DLG2: variants seen among roughly 807,000 people sequenced by gnomAD.
The protein encoded by DLG2 is discs large MAGUK scaffold protein 2, also known as disks large homolog 2.
In DLG2, 45 loss-of-function variants were observed where a neutral mutation model predicts 132.5. The ratio of observed to expected loss-of-function variants is 0.34; its 90% CI spans 0.27 to 0.44. The LOEUF (loss-of-function observed/expected upper bound fraction) is 0.44. DLG2 is among the 20% of genes least tolerant of loss of function. DLG2 has a pLI of 1.00. For synonymous variants in DLG2, 424 were observed against 419.6 expected (o/e 1.01, Z -0.13); for missense variants, 1,045 against 1,196.9 (o/e 0.87, Z 1.87).
intron 6 of DLG2, among the ~76,000 whole-genome samples, chr11:84,817,463 G>C (rs1486809344): frequency 6.6e-6 from 1 of 151,878 alleles, no homozygotes; most frequent in Non-Finnish European, 1.5e-5. Context: ...CAGCATGAAA[G>C]AAAACAAGTG....
At chr11:83,988,159 T>A (rs1456483750) in intron 11 of DLG2, among the ~76,000 whole-genome samples, 1 of 152,152 alleles carries the variant, frequency 6.6e-6, no homozygotes, top group Non-Finnish European at 1.5e-5. Context: ...TTTGTCAATG[T>A]TTGCTTTCGT....
chr11:84,041,626 G>A (rs1160818), intron 11 of DLG2, among the ~76,000 whole-genome samples: 2,550 of 152,088 alleles, frequency 0.017, 27 homozygotes, highest in Non-Finnish European at 0.025. Context: ...TACTCTGTCA[G>A]TGACATCATT....
At chr11:85,126,497 A>T (rs1161127194) in intron 5 of DLG2, among the ~76,000 whole-genome samples, 1 of 152,218 alleles carries the variant, frequency 6.6e-6, no homozygotes, top group Middle Eastern at 3.2e-3. Context: ...ATCCCAGGTT[A>T]TTAAGACAGT....
At chr11:84,409,752 T>G (rs2098888671) in intron 7 of DLG2, among the ~76,000 whole-genome samples, 1 of 152,166 alleles carries the variant, frequency 6.6e-6, no homozygotes, top group Non-Finnish European at 1.5e-5. Flanking sequence ...TCATTCCAGA[T>G]CAATATGTTT....
chr11:84,544,843 A>G (rs958145014), intron 6 of DLG2, among the ~76,000 whole-genome samples: 7 of 152,334 alleles, frequency 4.6e-5, no homozygotes, highest in African/African-American at 7.2e-5. Flanking sequence ...AACAGCCACA[A>G]CCAAAAAAAG....
chr11:84,409,538 C>G (rs747626113), intron 7 of DLG2, among the ~76,000 whole-genome samples: 6 of 152,188 alleles, frequency 3.9e-5, no homozygotes, highest in Non-Finnish European at 8.8e-5. Context: ...ATACTTTCTA[C>G]ATGTACCACA....
chr11:83,651,398 G>T (rs1003988902), intron 18 of DLG2, among the ~76,000 whole-genome samples: 1 of 152,182 alleles, frequency 6.6e-6, no homozygotes, highest in South Asian at 2.1e-4. Flanking sequence ...CAAAGTAGGG[G>T]TCTAGCTTGG....
chr11:83,730,590 C>T (rs1444644240), intron 18 of DLG2, among the ~76,000 whole-genome samples: 1 of 152,158 alleles, frequency 6.6e-6, no homozygotes, highest in East Asian at 1.9e-4. Context: ...CCACTGAACA[C>T]AACTTTGGAC....
intron 6 of DLG2, among the ~76,000 whole-genome samples, chr11:84,990,733 A>G (rs1445393140): frequency 7.3e-6 from 1 of 136,878 alleles, no homozygotes; most frequent in Non-Finnish European, 1.6e-5. Context: ...CAGAGAAACT[A>G]GATCACTTAA....
chr11:84,939,703 C>T (rs1177556292), intron 6 of DLG2, among the ~76,000 whole-genome samples: 2 of 152,304 alleles, frequency 1.3e-5, no homozygotes, highest in Middle Eastern at 3.4e-3. Context: ...GCTTATTCCA[C>T]TGAACATAAT....
chr11:84,359,600 T>C (rs2098637899), intron 7 of DLG2, among the ~76,000 whole-genome samples: 1 of 151,912 alleles, frequency 6.6e-6, no homozygotes, highest in African/African-American at 2.4e-5. Flanking sequence ...ACAATTCTCA[T>C]ATTTTAGGAA....
At chr11:85,586,352 G>C (rs893804794) in intron 3 of DLG2, among the ~76,000 whole-genome samples, 1 of 150,988 alleles carries the variant, frequency 6.6e-6, no homozygotes, top group Non-Finnish European at 1.5e-5. Context: ...TTTTTTTGTT[G>C]GTAACTTTTT....
At chr11:84,876,773 G>A (rs2086413108) in intron 6 of DLG2, among the ~76,000 whole-genome samples, 1 of 152,002 alleles carries the variant, frequency 6.6e-6, no homozygotes, top group East Asian at 1.9e-4. Flanking sequence ...AATTGTGATG[G>A]TAGGGTGTTG....
intron 19 of DLG2, among the ~76,000 whole-genome samples, chr11:83,607,340 G>A (rs2059493514): frequency 6.6e-6 from 1 of 152,174 alleles, no homozygotes; most frequent in African/African-American, 2.4e-5. Context: ...AATTTAACAT[G>A]TTTAAATCTC....
chr11:84,072,720 G>A (rs566222392), intron 10 of DLG2, among the ~76,000 whole-genome samples: 1 of 152,356 alleles, frequency 6.6e-6, no homozygotes, highest in South Asian at 2.1e-4. Context: ...CCATTGTACT[G>A]CTTATAGCTA....
intron 6 of DLG2, among the ~76,000 whole-genome samples, chr11:84,812,435 T>A (rs1217276033): frequency 1.3e-5 from 2 of 150,966 alleles, no homozygotes; most frequent in East Asian, 1.9e-4. Flanking sequence ...CACAATAAAA[T>A]TTTTTTAAAG....
chr11:83,727,001 C>A (rs2090134718), intron 18 of DLG2, among the ~76,000 whole-genome samples: 1 of 152,150 alleles, frequency 6.6e-6, no homozygotes, highest in Non-Finnish European at 1.5e-5. Context: ...CCCACCATTG[C>A]AAAATGATTC....
intron 6 of DLG2, among the ~76,000 whole-genome samples, chr11:84,728,490 G>A (rs1305764446): frequency 6.6e-6 from 1 of 152,124 alleles, no homozygotes; most frequent in Non-Finnish European, 1.5e-5. Flanking sequence ...GATTTGGTTT[G>A]CCAGTATTTT....
intron 3 of DLG2, among the ~76,000 whole-genome samples, chr11:85,292,654 AAGGGAGGGAGGGAGGG>A (rs1175223389): frequency 5.5e-5 from 2 of 36,568 alleles, no homozygotes; most frequent in African/African-American, 9.1e-5. Context: ...GGAAGGAAGG[AAGGGAGGGAGGGAGGG>A]AGGGAGGGAG....
Sources: allele counts gnomAD v4.1 joint callset (sites outside exome capture counted in the v4.1 genomes callset), GRCh38; gene constraint gnomAD v4.1.1; transcripts MANE v1.5; gene names NCBI Gene and HGNC (gene_info 2026-07-23, HGNC 2026-07-21).